Variants in GOPC observed in about 807,000 individuals in gnomAD.
The protein encoded by GOPC is Golgi-associated PDZ and coiled-coil motif-containing protein.
GOPC carries 32 observed loss-of-function variants against 51.2 expected under a neutral mutation model. The observed-to-expected ratio is 0.63, with a 90% CI of 0.47 to 0.84. The LOEUF is 0.84. Ranked by LOEUF, GOPC falls within the 40% of genes least tolerant of loss-of-function variation. GOPC has a pLI of 0.00. For synonymous variants in GOPC, 190 were observed against 205.1 expected, an observed-to-expected ratio of 0.93 and a Z score of 0.63; for missense variants, 441 against 555.5, an observed-to-expected ratio of 0.79 and a Z score of 2.07.
chr6:117,586,095 A>C (rs1033509344), intron 1 of GOPC, among the ~76,000 whole-genome samples: 1 of 152,242 alleles, frequency 6.6e-6, no homozygotes, highest in East Asian at 1.9e-4. Context: ...TTTATGTTTT[A>C]AAATGTTAAT....
intron 8 of GOPC, among the ~76,000 whole-genome samples, chr6:117,566,263 A>T (rs1320855118): frequency 2.0e-5 from 3 of 152,150 alleles, no homozygotes; most frequent in African/African-American, 7.2e-5. Context: ...AAAAGCTTTG[A>T]CCTCATGAAC....
chr6:117,573,696 A>C, intron 4 of GOPC, 64 bp from the exon 5 acceptor site: 10 of 1,361,926 alleles, frequency 7.3e-6, no homozygotes, highest in Non-Finnish European at 1.0e-5. Flanking sequence ...AATTCAGGAA[A>C]ATTAGTGAAC....
rs1264708190 is a variant in GOPC at position 117,578,899 on chromosome 6, C to T, written c.450+1G>A. On this transcript the variant is annotated splice_donor_variant, in intron 2 of 8. Transcript: ENST00000368498. LOFTEE classifies it high-confidence loss of function. Reference sequence around the variant, plus strand: ...GGCATGTCACTCTCTAAACTACTTACCAATTTTGCCTTAATGGTACCAGAG... The same window carrying T: ...GGCATGTCACTCTCTAAACTACTTATCAATTTTGCCTTAATGGTACCAGAG... 6.3e-7 allele frequency: 1 copy of T among 1,578,930 alleles called. No individual in the cohort carries two copies. The highest frequency in any genetic ancestry group is 8.6e-7 in the Non-Finnish European group (1 of 1,162,610).
At chr6:117,595,779 C>T (rs9374670) in intron 1 of GOPC, among the ~76,000 whole-genome samples, 45,489 of 152,058 alleles carry the variant, frequency 0.3, 7,507 homozygotes, top group African/African-American at 0.42. Flanking sequence ...ATACACACCA[C>T]ATTTTTTTAA....
Position 117,595,244 on chromosome 6 carries a change from G to A in GOPC, c.285+6760C>T, listed in dbSNP as rs544219554. Among the ~76,000 whole-genome samples, 22 of 152,282 alleles carry A rather than the reference G, an allele frequency of 1.4e-4. No individual in the cohort carries two copies. In the South Asian group the frequency reaches 3.5e-3, roughly 24 times the overall value. ...ATATGGTATTTTATGGCTACTTGGCGTCAGTTAGTCTAAATCCTACATAGA... is the reference window on the plus strand; with the variant it reads ...ATATGGTATTTTATGGCTACTTGGCATCAGTTAGTCTAAATCCTACATAGA... On this transcript the variant is annotated intron_variant, in intron 1 of 8. Transcript: ENST00000368498.
intron 7 of GOPC, among the ~76,000 whole-genome samples, chr6:117,568,891 C>G (rs1456891650): frequency 1.3e-5 from 2 of 152,206 alleles, no homozygotes; most frequent in East Asian, 3.8e-4. Flanking sequence ...TGCAATTCTA[C>G]AGAGGCATAC....
At chr6:117,565,746 A>C (rs1012372761) in intron 8 of GOPC, among the ~76,000 whole-genome samples, 1 of 152,212 alleles carries the variant, frequency 6.6e-6, no homozygotes, top group Non-Finnish European at 1.5e-5. Flanking sequence ...AAATATTATC[A>C]GTTGTCTTTC....
At chr6:117,582,801 A>G (rs1299704788) in intron 1 of GOPC, among the ~76,000 whole-genome samples, 1 of 151,078 alleles carries the variant, frequency 6.6e-6, no homozygotes, top group Admixed American at 6.6e-5. Context: ...AGTGGCTCTC[A>G]GCATGAATTC....
Position 117,561,149 on chromosome 6 carries a change from A to G in GOPC, c.*2105T>C, listed in dbSNP as rs1042134109. The G allele has an allele frequency of 8.9e-6, 2 of 224,252 alleles. No individual in the cohort carries two copies. The highest frequency in any genetic ancestry group is 1.8e-5 in the Non-Finnish European group (2 of 112,574). The allele number at this position is 224,252 out of a possible 1,614,324, so 13.9% of individuals were successfully genotyped here. On this transcript the variant is annotated 3_prime_UTR_variant, in exon 9 of 9. Coordinates refer to ENST00000368498, the MANE Select transcript of GOPC (RefSeq NM_020399.4). ...AGGAAACTGACCTGTGGAGTTTTAA[A>G]CTACCTGGAAACTTTTCATTCTATT...
chr6:117,575,005 G>C (rs182767790), intron 4 of GOPC, among the ~76,000 whole-genome samples, 172 bp downstream of exon 4: 153 of 152,282 alleles, frequency 1.0e-3, no homozygotes, highest in African/African-American at 3.6e-3. Flanking sequence ...CTTGAACCCA[G>C]GAGGCAGAGG....
chr6:117,595,720 C>G (rs1780187673), intron 1 of GOPC, among the ~76,000 whole-genome samples: 1 of 152,180 alleles, frequency 6.6e-6, no homozygotes, highest in Non-Finnish European at 1.5e-5. Flanking sequence ...GCAAGTGCCA[C>G]TATTTCATTC....
intron 1 of GOPC, among the ~76,000 whole-genome samples, chr6:117,589,082 CATA>C (rs1780076092): frequency 6.6e-6 from 1 of 152,132 alleles, no homozygotes; most frequent in South Asian, 2.1e-4. Flanking sequence ...AAAAAAATCT[CATA>C]ATGTTTTAAG....
intron 1 of GOPC, among the ~76,000 whole-genome samples, chr6:117,586,717 G>A (rs999473557): frequency 6.6e-5 from 10 of 151,910 alleles, no homozygotes; most frequent in African/African-American, 2.4e-4. Context: ...TCCTGACCTC[G>A]TGATCCGCCC....
rs965995954 is a variant in GOPC at position 117,566,854 on chromosome 6, C to A, written c.1258G>T (p.Gly420Ter). Residue 420 changes from glycine to a stop codon, truncating the protein, a stop_gained and splice_region_variant, in exon 8 of 9, where the codon GGA becomes TGA. Coordinates refer to ENST00000368498, the MANE Select transcript of GOPC (RefSeq NM_020399.4). LOFTEE classifies it high-confidence loss of function. Reference sequence around the variant, plus strand: ...TAATAATTTTTAGAGTGATTTTTACCTTGTAATACTTTGATTTCCCCACTT... The same window carrying A: ...TAATAATTTTTAGAGTGATTTTTACATTGTAATACTTTGATTTCCCCACTT... ...DTSGEIKVLQ[G>*]FNKKAVTDTH... The A allele has an allele frequency of 9.1e-6, 14 of 1,539,310 alleles. No individual in the cohort carries two copies. Among genetic ancestry groups the A allele is most frequent in the African/African-American group, 1.4e-5 (1 of 71,882 alleles).
rs139194608 is a variant in GOPC, at chr6:117,581,266, T to A, written c.286-2202A>T. Reference sequence around the variant, plus strand: ...AGGTAGAAGAAAAGAAGTAGCATGCTATAAATTAACCAAGATGTGGCATAA... The same window carrying A: ...AGGTAGAAGAAAAGAAGTAGCATGCAATAAATTAACCAAGATGTGGCATAA... On this transcript the variant is annotated intron_variant, in intron 1 of 8. Transcript: ENST00000368498. Among the ~76,000 whole-genome samples, 260 of 152,288 alleles carry A rather than the reference T, an allele frequency of 1.7e-3. 1 individual carries two copies. Among genetic ancestry groups the A allele is most frequent in the African/African-American group, 6.0e-3 (251 of 41,576 alleles).
In GOPC at chr6:117,563,043, A is replaced by G. The variant is rs1779617897; in HGVS notation, c.*211T>C. On this transcript the variant is annotated 3_prime_UTR_variant, in exon 9 of 9. Transcript: ENST00000368498. Reference sequence around the variant, plus strand: ...TGCTTACAAGTTCAAGAAAATCAAAATTGCTTTACATGCAATAGCTAATTA... The same window carrying G: ...TGCTTACAAGTTCAAGAAAATCAAAGTTGCTTTACATGCAATAGCTAATTA... 5.8e-6 allele frequency: 3 copies of G among 516,758 alleles called. No individual in the cohort carries two copies. The highest frequency in any genetic ancestry group is 1.0e-5 in the Non-Finnish European group (3 of 291,618). The allele number at this position is 516,758 out of a possible 1,614,324, so 32.0% of individuals were successfully genotyped here. A position where few individuals can be genotyped will look rare whatever the true frequency, so the allele number is the denominator to read the frequency against.
intron 5 of GOPC, 88 bp downstream of exon 5, chr6:117,573,379 T>G (rs566172855): frequency 1.4e-6 from 2 of 1,411,148 alleles, no homozygotes; most frequent in South Asian, 2.8e-5. Context: ...TTTCAAACAA[T>G]ACTAGAATAA....
intron 3 of GOPC, among the ~76,000 whole-genome samples, chr6:117,576,680 G>C (rs1779884964): frequency 6.6e-6 from 1 of 152,002 alleles, no homozygotes; most frequent in Non-Finnish European, 1.5e-5. Context: ...AATCCCTAAT[G>C]AATCTGACAA....
In GOPC at chr6:117,569,748, A is replaced by G. The variant is rs1328559407; in HGVS notation, c.913-12T>C. 1.6e-5 allele frequency: 25 copies of G among 1,564,168 alleles called. No individual in the cohort carries two copies. The highest frequency in any genetic ancestry group is 2.0e-5 in the Non-Finnish European group (23 of 1,161,096). On this transcript the variant is annotated splice_polypyrimidine_tract_variant and intron_variant, in intron 6 of 8. Transcript: ENST00000368498. ...TGTTCTTTCCCACCCTAACAACAACAAAGGGCAGTAAATTAAAGTACTCTT... is the reference window on the plus strand; with the variant it reads ...TGTTCTTTCCCACCCTAACAACAACGAAGGGCAGTAAATTAAAGTACTCTT...
Sources: gnomAD v4.1 joint callset for allele counts (sites outside exome capture counted in the v4.1 genomes callset) on GRCh38, gnomAD v4.1.1 for gene constraint, MANE v1.5 for transcripts, NCBI Gene and HGNC (gene_info 2026-07-23, HGNC 2026-07-21) for gene names.